Variants in LRFN2 observed in about 807,000 individuals in gnomAD.
LRFN2 encodes leucine-rich repeat and fibronectin type-III domain-containing protein 2.
LRFN2 carries 18 observed loss-of-function variants against 37.3 expected under a neutral mutation model. The ratio of observed to expected loss-of-function variants is 0.48; its 90% CI spans 0.33 to 0.72. The LOEUF (loss-of-function observed/expected upper bound fraction) is 0.72. LRFN2 is among the 30% of genes least tolerant of loss of function. The pLI is 0.02. For synonymous variants in LRFN2, 556 were observed against 466.6 expected, an observed-to-expected ratio of 1.19 and a Z score of -2.47; for missense variants, 1,006 against 1,060.7, an observed-to-expected ratio of 0.95 and a Z score of 0.72.
chr6:40,504,871 C>A (rs1765490573), intron 1 of LRFN2, among the ~76,000 whole-genome samples: 1 of 152,218 alleles, frequency 6.6e-6, no homozygotes, highest in Non-Finnish European at 1.5e-5. Context: ...GCTGTGAGTA[C>A]AGCGTTGGGT....
intron 1 of LRFN2, among the ~76,000 whole-genome samples, chr6:40,449,860 C>G (rs1764062912): frequency 6.6e-6 from 1 of 152,090 alleles, no homozygotes; most frequent in African/African-American, 2.4e-5. Flanking sequence ...GACCTTATCT[C>G]TGTATTTGTT....
At chr6:40,570,319 C>G (rs1248689438) in intron 1 of LRFN2, among the ~76,000 whole-genome samples, 1 of 152,210 alleles carries the variant, frequency 6.6e-6, no homozygotes, top group African/African-American at 2.4e-5. Context: ...GTGCCAGACA[C>G]TGTTCTAAGT....
chr6:40,521,414 C>T (rs1017271926), intron 1 of LRFN2, among the ~76,000 whole-genome samples: 1 of 152,204 alleles, frequency 6.6e-6, no homozygotes, highest in African/African-American at 2.4e-5. Flanking sequence ...CAATTTGAAA[C>T]AAAATGTGCA....
chr6:40,510,804 G>C (rs1001269059), intron 1 of LRFN2, among the ~76,000 whole-genome samples: 5 of 152,324 alleles, frequency 3.3e-5, no homozygotes, highest in African/African-American at 1.2e-4. Flanking sequence ...AGAATGCAGG[G>C]AGCAAGTGTG....
intron 1 of LRFN2, among the ~76,000 whole-genome samples, chr6:40,492,849 C>T (rs56103261): frequency 0.013 from 1,974 of 152,246 alleles, 52 homozygotes; most frequent in African/African-American, 0.044. Flanking sequence ...CCTCCCAATT[C>T]GCTGCCCAGC....
chr6:40,554,792 A>G (rs1766838264), intron 1 of LRFN2, among the ~76,000 whole-genome samples: 1 of 151,976 alleles, frequency 6.6e-6, no homozygotes, highest in South Asian at 2.1e-4. Flanking sequence ...CTGACTTTCA[A>G]CTACCTATCC....
chr6:40,582,566 G>A (rs921273278), intron 1 of LRFN2, among the ~76,000 whole-genome samples: 1 of 151,790 alleles, frequency 6.6e-6, no homozygotes, highest in African/African-American at 2.4e-5. Context: ...CATTAGGCTT[G>A]GCCCTTGGAG....
At chr6:40,584,157 G>A (rs948141207) in intron 1 of LRFN2, among the ~76,000 whole-genome samples, 2 of 152,130 alleles carry the variant, frequency 1.3e-5, no homozygotes, top group African/African-American at 4.8e-5. Flanking sequence ...CCCTGGACAG[G>A]GGGAAGTTGG....
chr6:40,446,077 A>G (rs993765789), intron 1 of LRFN2, among the ~76,000 whole-genome samples: 2 of 152,220 alleles, frequency 1.3e-5, no homozygotes, highest in African/African-American at 4.8e-5. Context: ...TGAAATGTAA[A>G]ACATGTTCAT....
chr6:40,490,039 G>A (rs560838445), intron 1 of LRFN2, among the ~76,000 whole-genome samples: 3 of 152,294 alleles, frequency 2.0e-5, no homozygotes, highest in East Asian at 1.9e-4. Flanking sequence ...CCTGGAGCCC[G>A]GAGCCCAGCA....
chr6:40,476,064 C>T (rs1471077264), intron 1 of LRFN2, among the ~76,000 whole-genome samples: 5 of 152,134 alleles, frequency 3.3e-5, no homozygotes, highest in Non-Finnish European at 7.4e-5. Context: ...CTGATGGGCC[C>T]AGCGTGGCCT....
At chr6:40,439,139 G>A (rs1763769289) in intron 1 of LRFN2, among the ~76,000 whole-genome samples, 1 of 152,108 alleles carries the variant, frequency 6.6e-6, no homozygotes, top group African/African-American at 2.4e-5. Context: ...GTTAGCAGAT[G>A]GCTGGCACGA....
chr6:40,568,281 G>T (rs1767125363), intron 1 of LRFN2, among the ~76,000 whole-genome samples: 1 of 152,234 alleles, frequency 6.6e-6, no homozygotes, highest in Non-Finnish European at 1.5e-5. Context: ...TGTGGTGTCT[G>T]CCCTGTGTCG....
intron 2 of LRFN2, among the ~76,000 whole-genome samples, chr6:40,396,634 C>T (rs961539433): frequency 6.6e-6 from 1 of 151,526 alleles, no homozygotes; most frequent in African/African-American, 2.4e-5. Flanking sequence ...GCAGGAAAAG[C>T]CTGCTAGGAT....
intron 1 of LRFN2, among the ~76,000 whole-genome samples, chr6:40,539,001 G>A (rs776092226): frequency 2.6e-5 from 4 of 152,146 alleles, no homozygotes; most frequent in Non-Finnish European, 5.9e-5. Flanking sequence ...CCTCATGGGT[G>A]GAAGTCTGGG....
At chr6:40,476,776 A>G (rs1223172243) in intron 1 of LRFN2, among the ~76,000 whole-genome samples, 1 of 152,226 alleles carries the variant, frequency 6.6e-6, no homozygotes, top group Non-Finnish European at 1.5e-5. Flanking sequence ...CACTGGGGCA[A>G]TCCTGAGAGC....
rs1762524599 is a variant in LRFN2 at position 40,392,359 on chromosome 6, T to G, written c.1954A>C (p.Ser652Arg). The G allele has an allele frequency of 6.2e-7, 1 of 1,607,112 alleles. No individual in the cohort carries two copies. The highest frequency in any genetic ancestry group is 1.3e-5 in the African/African-American group (1 of 74,912). Residue 652 changes from serine (S) to arginine (R), a missense_variant, in exon 3 of 3, where the codon AGC becomes CGC. Ser to Arg is a moderately radical substitution (Grantham distance 110). Coordinates refer to ENST00000338305, the MANE Select transcript of LRFN2 (RefSeq NM_020737.3). The surrounding 1 kb of genome is among the most constrained non-coding windows in gnomAD (Gnocchi z 4.7). ...IPPSAPRPKP[S>R]LDRLMGAFAS... The stretch of plus-strand genomic sequence containing the variant: ...AAGGCCCCCATCAGGCGGTCAAGGC[T>G]GGGCTTGGGGCGCGGGGCGGAGGGT...
chr6:40,409,694 T>C (rs1037982466), intron 2 of LRFN2, among the ~76,000 whole-genome samples: 1 of 152,192 alleles, frequency 6.6e-6, no homozygotes, highest in African/African-American at 2.4e-5. Flanking sequence ...TTGGACACAG[T>C]ATGTAAGTGG....
intron 1 of LRFN2, among the ~76,000 whole-genome samples, chr6:40,531,185 T>C (rs1766334999): frequency 6.6e-6 from 1 of 152,204 alleles, no homozygotes; most frequent in Non-Finnish European, 1.5e-5. Flanking sequence ...GCCATCTGAT[T>C]TGTAATTTAC....
Sources: allele counts gnomAD v4.1 joint callset (sites outside exome capture counted in the v4.1 genomes callset), GRCh38; gene constraint gnomAD v4.1.1; non-coding constraint Gnocchi (gnomAD v3.1); transcripts MANE v1.5; gene names NCBI Gene and HGNC (gene_info 2026-07-23, HGNC 2026-07-21).